The following ADAT1 variants were observed in gnomAD, a reference collection of about 807,000 sequenced individuals.
ADAT1 encodes the protein adenosine deaminase tRNA specific 1.
Under a neutral mutation model 58.6 loss-of-function variants are expected in ADAT1, and 58 were observed. The observed-to-expected ratio is 0.99, with a 90% CI of 0.80 to 1.23. ADAT1 has a LOEUF of 1.23. Ranked by LOEUF, ADAT1 falls within the 50% of genes most tolerant of loss-of-function variation. The probability of loss-of-function intolerance (pLI) is 0.00; values close to 1 mark genes in which losing one functional copy is unlikely to be tolerated. For missense variants in ADAT1, 741 were observed against 608.6 expected (o/e 1.22, Z -2.29); for synonymous variants, 254 against 220.8 (o/e 1.15, Z -1.33).
intron 6 of ADAT1, among the ~76,000 whole-genome samples, chr16:75,611,036 C>T (rs1016761077): frequency 6.6e-6 from 1 of 152,138 alleles, no homozygotes; most frequent in African/African-American, 2.4e-5. Flanking sequence ...ATCACTTGAG[C>T]TCAGGAACTG....
intron 6 of ADAT1, among the ~76,000 whole-genome samples, chr16:75,611,308 T>C (rs1237064819): frequency 1.3e-5 from 2 of 152,212 alleles, no homozygotes; most frequent in Admixed American, 6.5e-5. Context: ...TATGTGTGGA[T>C]GTACTTTAAG....
Position 75,612,320 on chromosome 16 carries a change from C to A in ADAT1, c.966G>T (p.Glu322Asp), listed in dbSNP as rs1263275950. The A allele has an allele frequency of 1.2e-6, 2 of 1,614,214 alleles. No individual in the cohort carries two copies. The highest frequency in any genetic ancestry group is 3.3e-5 in the Admixed American group (2 of 60,028). The change falls in exon 6 of 10, where the codon GAG becomes GAT. Residue 322 changes from glutamate (E) to aspartate (D), a missense_variant. Transcript: ENST00000564657. ...TGACCACAGCTGACAGGTAGATGGG[C>A]TCTTCCAGCAAGTGCATCAACAGTG... ...QGALLMHLLEEPIYLSAVVIG... is the reference protein window; with the variant it reads ...QGALLMHLLEDPIYLSAVVIG...
chr16:75,611,814 T>C (rs2081543922), intron 6 of ADAT1, among the ~76,000 whole-genome samples: 1 of 152,082 alleles, frequency 6.6e-6, no homozygotes, highest in African/African-American at 2.4e-5. Flanking sequence ...TCCCAGCACT[T>C]TGGGAGACCG....
At chr16:75,616,331 A>AT (rs2081723689) in intron 5 of ADAT1, among the ~76,000 whole-genome samples, 1 of 150,446 alleles carries the variant, frequency 6.6e-6, no homozygotes, top group South Asian at 2.1e-4. Context: ...AGCTGTATCT[A>AT]TATTTTCAAT....
intron 4 of ADAT1, among the ~76,000 whole-genome samples, chr16:75,618,326 G>A (rs2081807633): frequency 6.6e-6 from 1 of 151,842 alleles, no homozygotes; most frequent in Non-Finnish European, 1.5e-5. Context: ...CCAGCATGGT[G>A]AAACCCCATC....
At chr16:75,603,587 G>C (rs12919273) in intron 8 of ADAT1, among the ~76,000 whole-genome samples, 17,815 of 152,160 alleles carry the variant, frequency 0.12, 1,358 homozygotes, top group Middle Eastern at 0.19. Context: ...ACTTGGACGA[G>C]CCACCTGAGG....
At position 75,620,375 on chromosome 16, in the gene ADAT1, A is replaced by G. The variant is rs768683488; in HGVS notation, c.170-41T>C. Reference sequence around the variant, plus strand: ...AAATCGTGTGAGTTCTGAGAAACGGAATGTTCCCCGGTGTTCAGGTGTGAT... The same window carrying G: ...AAATCGTGTGAGTTCTGAGAAACGGGATGTTCCCCGGTGTTCAGGTGTGAT... On this transcript the variant is annotated intron_variant, in intron 2 of 9. Transcript: ENST00000564657. The G allele has an allele frequency of 3.7e-6, 6 of 1,605,172 alleles. No individual in the cohort carries two copies. In the East Asian group the frequency reaches 1.3e-4, roughly 36 times the overall value.
chr16:75,620,676 A>G lies in ADAT1; in HGVS notation c.124T>C (p.Ser42Pro). The change falls in exon 2 of 10, where the codon TCT becomes CCT. Residue 42 changes from serine to proline, a missense_variant. By Grantham distance (74) the Ser-to-Pro change is moderately conservative. Coordinates refer to ENST00000564657, the MANE Select transcript of ADAT1 (RefSeq NM_001324445.2). ...TLLAAVVKIQ[S>P]PADKACDTPD... is the part of the protein sequence containing the mutation. ...GTGTCGCAGGCCTTGTCAGCTGGAG[A>G]TTGTATCTTCACCACCGCTGCCAAT... The G allele has an allele frequency of 6.2e-7, 1 of 1,613,904 alleles. No individual in the cohort carries two copies. Among genetic ancestry groups the G allele is most frequent in the South Asian group, 1.1e-5 (1 of 91,060 alleles).
intron 4 of ADAT1, among the ~76,000 whole-genome samples, chr16:75,617,854 G>A (rs1439907731): frequency 6.6e-6 from 1 of 150,750 alleles, no homozygotes; most frequent in Non-Finnish European, 1.5e-5. Flanking sequence ...AGGAGGCTGA[G>A]GCAGGAGGAT....
At chr16:75,615,017 G>C (rs1347798250) in intron 5 of ADAT1, among the ~76,000 whole-genome samples, 1 of 152,020 alleles carries the variant, frequency 6.6e-6, no homozygotes, top group African/African-American at 2.4e-5. Flanking sequence ...TTGAGGTCAG[G>C]AGTTCGAGAC....
intron 5 of ADAT1, among the ~76,000 whole-genome samples, chr16:75,613,621 C>A (rs1391641741): frequency 6.6e-6 from 1 of 152,086 alleles, no homozygotes; most frequent in African/African-American, 2.4e-5. Flanking sequence ...ACTAATGACA[C>A]TTTGGACTGT....
intron 6 of ADAT1, among the ~76,000 whole-genome samples, chr16:75,609,440 G>C (rs1452008085): frequency 6.6e-6 from 1 of 151,944 alleles, no homozygotes; most frequent in African/African-American, 2.4e-5. Context: ...GATAGCAACT[G>C]CAAGTACCAG....
chr16:75,597,414 T>C lies in ADAT1; in HGVS notation c.*2802A>G, dbSNP rs919585115. The stretch of plus-strand genomic sequence containing the variant: ...GCTAAGGAGGAAGCATGAAAGAGTC[T>C]TCTTCAGAGCAGCAGTCCCCAAGGC... On this transcript the variant is annotated 3_prime_UTR_variant, in exon 10 of 10. Transcript: ENST00000564657. The C allele has an allele frequency of 2.2e-6, 1 of 450,754 alleles. No homozygotes were observed. The allele number at this position is 450,754 out of a possible 1,614,324, so 27.9% of individuals were successfully genotyped here.
rs1281335668 is a variant in ADAT1 at position 75,620,705 on chromosome 16, G to A, written c.95C>T (p.Thr32Ile). The A allele has an allele frequency of 3.1e-6, 5 of 1,614,126 alleles. No homozygotes were observed. The highest frequency in any genetic ancestry group is 1.1e-5 in the South Asian group (1 of 91,072). ...KGKPEPNHEWTLLAAVVKIQS... is the reference protein window; with the variant it reads ...KGKPEPNHEWILLAAVVKIQS... ...TATCTTCACCACCGCTGCCAATAATGTCCACTCATGGTTTGGCTCAGGCTT... is the reference window on the plus strand; with the variant it reads ...TATCTTCACCACCGCTGCCAATAATATCCACTCATGGTTTGGCTCAGGCTT... The change falls in exon 2 of 10, where the codon ACA becomes ATA. Residue 32 changes from threonine (T) to isoleucine (I), a missense_variant. Physicochemically the swap from Thr to Ile is moderately conservative, Grantham distance 89. Transcript: ENST00000564657.
chr16:75,605,217 AG>A (rs2081337823), intron 8 of ADAT1, among the ~76,000 whole-genome samples: 3 of 152,082 alleles, frequency 2.0e-5, no homozygotes, highest in African/African-American at 7.2e-5. Flanking sequence ...TGGCCTCCCA[AG>A]TAGCTGGGAT....
chr16:75,602,972 A>T, intron 9 of ADAT1, 113 bp downstream of exon 9: 1 of 862,968 alleles, frequency 1.2e-6, no homozygotes, highest in South Asian at 1.5e-5. Flanking sequence ...GTCAACAATA[A>T]GTGCCACTGG....
At position 75,598,310 on chromosome 16, in the gene ADAT1, G is replaced by A. The variant is rs777583553; in HGVS notation, c.*1906C>T. Reference sequence around the variant, plus strand: ...AGGATGGTCTTGATCTCCTGACGTCGTGATCTGCCCACCTCGGCCTCCTAA... The same window carrying A: ...AGGATGGTCTTGATCTCCTGACGTCATGATCTGCCCACCTCGGCCTCCTAA... On this transcript the variant is annotated 3_prime_UTR_variant, in exon 10 of 10. Transcript: ENST00000564657. 8.6e-4 allele frequency: 255 copies of A among 297,060 alleles called. 2 individuals are homozygous for A. Among genetic ancestry groups the A allele is most frequent in the Non-Finnish European group, 1.4e-3 (200 of 143,878 alleles). The allele number at this position is 297,060 out of a possible 1,614,324, so 18.4% of individuals were successfully genotyped here. A position where few individuals can be genotyped will look rare whatever the true frequency, so the allele number is the denominator to read the frequency against.
chr16:75,610,806 A>G (rs1033585635), intron 6 of ADAT1, among the ~76,000 whole-genome samples: 1 of 152,084 alleles, frequency 6.6e-6, no homozygotes, highest in Non-Finnish European at 1.5e-5. Context: ...TTTTAACTTT[A>G]AAAAAATTAA....
At chr16:75,605,093 T>C (rs2081334028) in intron 8 of ADAT1, among the ~76,000 whole-genome samples, 1 of 152,210 alleles carries the variant, frequency 6.6e-6, no homozygotes, top group Non-Finnish European at 1.5e-5. Context: ...GATTTTCTTT[T>C]CTCTTTTTTG....
Sources: gnomAD v4.1 joint callset for allele counts (sites outside exome capture counted in the v4.1 genomes callset) on GRCh38, gnomAD v4.1.1 for gene constraint, MANE v1.5 for transcripts, NCBI Gene and HGNC (gene_info 2026-07-23, HGNC 2026-07-21) for gene names.